The following PTPRD variants were observed in gnomAD, a reference collection of about 807,000 sequenced individuals.
PTPRD encodes receptor-type tyrosine-protein phosphatase delta.
A neutral mutation model predicts 214.5 loss-of-function variants in PTPRD; 34 were observed. The ratio of observed to expected loss-of-function variants is 0.16; its 90% CI spans 0.12 to 0.21. The LOEUF (loss-of-function observed/expected upper bound fraction) is 0.21, where lower values mean the gene tolerates loss of function less well. Ranked by LOEUF, PTPRD falls within the 10% of genes least tolerant of loss-of-function variation. The pLI is 1.00. For missense variants in PTPRD, 2,545 were observed against 2,398.7 expected, an observed-to-expected ratio of 1.06 and a Z score of -1.27; for synonymous variants, 1,128 against 845.7, an observed-to-expected ratio of 1.33 and a Z score of -5.79.
rs71485321 is a variant in PTPRD at position 10,140,327 on chromosome 9, T to TAA, written c.-544-106539_-544-106538dup. On this transcript the variant is annotated intron_variant, in intron 3 of 45. Coordinates refer to ENST00000381196, the MANE Select transcript of PTPRD (RefSeq NM_002839.4). ...CATACAAGCAGAAAACAATCATTAATAAAAAAAAATTGATAGACCGCTAGC... is the reference window on the plus strand; with the variant it reads ...CATACAAGCAGAAAACAATCATTAATAAAAAAAAAAATTGATAGACCGCTAGC... Among the ~76,000 whole-genome samples the TAA allele has an allele frequency of 7.4e-5, 11 of 149,334 alleles. No individual in the cohort carries two copies. The South Asian group carries it at 8.4e-4, about 11-fold the overall frequency.
At chr9:8,597,638 T>C (rs1013712061) in intron 14 of PTPRD, among the ~76,000 whole-genome samples, 3 of 152,216 alleles carry the variant, frequency 2.0e-5, no homozygotes, top group Admixed American at 2.0e-4. Flanking sequence ...ACACTTTTTG[T>C]TGGGCTCTAA....
At chr9:10,453,928 A>G (rs113034871) in intron 2 of PTPRD, among the ~76,000 whole-genome samples, 1,826 of 151,754 alleles carry the variant, frequency 0.012, 34 homozygotes, top group African/African-American at 0.039. Context: ...AGTCAGCTGT[A>G]GGCTTGTCAT....
In PTPRD at chr9:9,529,017, C is replaced by A. The variant is rs1339593098; in HGVS notation, c.-237+45715G>T. 2.0e-5 allele frequency among the ~76,000 whole-genome samples: 3 copies of A among 149,844 alleles called. No homozygotes were observed. In the South Asian group the frequency reaches 6.3e-4, roughly 32 times the overall value. The stretch of plus-strand genomic sequence containing the variant: ...GCAATGGTGTGATCTTGGTTCACTG[C>A]AACCTCTGCCTCCTGGGTTCAAGCT... On this transcript the variant is annotated intron_variant, in intron 8 of 45. Transcript: ENST00000381196.
intron 9 of PTPRD, among the ~76,000 whole-genome samples, chr9:9,308,350 A>T (rs531029313): frequency 1.3e-5 from 2 of 152,342 alleles, no homozygotes; most frequent in South Asian, 2.1e-4. Context: ...CAGATTACAG[A>T]TATGAGAATT....
At chr9:10,332,548 T>C (rs1232953481) in intron 3 of PTPRD, among the ~76,000 whole-genome samples, 1 of 151,782 alleles carries the variant, frequency 6.6e-6, no homozygotes, top group African/African-American at 2.4e-5. Flanking sequence ...TAGAAAATAA[T>C]ATTGAGGGAA....
chr9:9,200,849 A>C (rs2099941415), intron 9 of PTPRD, among the ~76,000 whole-genome samples: 1 of 152,214 alleles, frequency 6.6e-6, no homozygotes, highest in South Asian at 2.1e-4. Context: ...AGCTTACACA[A>C]AACCATCATT....
At chr9:9,031,203 T>A (rs539918943) in intron 10 of PTPRD, among the ~76,000 whole-genome samples, 275 of 108,050 alleles carry the variant, frequency 2.5e-3, no homozygotes, top group African/African-American at 9.2e-3. Context: ...TATAAATACT[T>A]ACTAGTATTA....
Position 8,950,269 on chromosome 9 carries a change from A to T in PTPRD, c.-104+68428T>A, listed in dbSNP as rs1470400682. Among the ~76,000 whole-genome samples the T allele has an allele frequency of 2.0e-5, 3 of 152,166 alleles. No homozygotes were observed. The East Asian group carries it at 5.8e-4, about 29-fold the overall frequency. On this transcript the variant is annotated intron_variant, in intron 11 of 45. Transcript: ENST00000381196. ...TCTGGAATCAGGGTTGTAATTTAGAAATTATGCATGGTTGTGAGATAGGTC... is the reference window on the plus strand; with the variant it reads ...TCTGGAATCAGGGTTGTAATTTAGATATTATGCATGGTTGTGAGATAGGTC...
intron 4 of PTPRD, among the ~76,000 whole-genome samples, chr9:9,967,329 A>G (rs1797075115): frequency 6.6e-6 from 1 of 152,176 alleles, no homozygotes; most frequent in African/African-American, 2.4e-5. Flanking sequence ...GTAGAAATAA[A>G]GGCCCTTAAC....
At chr9:9,247,384 T>C (rs1594495890) in intron 9 of PTPRD, among the ~76,000 whole-genome samples, 1 of 152,104 alleles carries the variant, frequency 6.6e-6, no homozygotes, top group East Asian at 1.9e-4. Flanking sequence ...GACAGTTTCT[T>C]CTTGTGTCTT....
chr9:9,221,883 T>G (rs1272759111), intron 9 of PTPRD, among the ~76,000 whole-genome samples: 1 of 152,046 alleles, frequency 6.6e-6, no homozygotes, highest in Non-Finnish European at 1.5e-5. Context: ...CAGTCATCAC[T>G]TCAGAGCTTA....
chr9:10,246,726 C>T (rs2092165492), intron 3 of PTPRD, among the ~76,000 whole-genome samples: 1 of 151,262 alleles, frequency 6.6e-6, no homozygotes, highest in Non-Finnish European at 1.5e-5. Flanking sequence ...TAAAATAATC[C>T]TTAAAGCAAA....
At chr9:9,134,776 T>C (rs1475520544) in intron 10 of PTPRD, among the ~76,000 whole-genome samples, 1 of 152,142 alleles carries the variant, frequency 6.6e-6, no homozygotes. Flanking sequence ...CAAGAGACTG[T>C]ATCATCCTTG....
chr9:9,104,853 A>G (rs978937998), intron 10 of PTPRD, among the ~76,000 whole-genome samples: 3 of 152,212 alleles, frequency 2.0e-5, no homozygotes, highest in African/African-American at 7.2e-5. Context: ...CTGAACTGCA[A>G]GAATTGATAA....
intron 27 of PTPRD, 126 bp downstream of exon 27, chr9:8,492,736 A>T (rs2097176905): frequency 6.8e-6 from 4 of 587,876 alleles, no homozygotes. Flanking sequence ...CTAAAAACAC[A>T]AAAGTTGACC....
intron 14 of PTPRD, 119 bp from the exon 15 acceptor site, chr9:8,528,898 C>G: frequency 1.1e-6 from 1 of 903,184 alleles, no homozygotes; most frequent in Non-Finnish European, 1.7e-6. Flanking sequence ...TAACACAAAC[C>G]AGGCACTAAT....
intron 7 of PTPRD, among the ~76,000 whole-genome samples, chr9:9,600,803 T>C (rs1480744416): frequency 6.6e-6 from 1 of 152,122 alleles, no homozygotes; most frequent in Non-Finnish European, 1.5e-5. Flanking sequence ...AATCCTTTTG[T>C]ACTAAAATGT....
At chr9:9,198,307 A>G (rs1326728762) in intron 9 of PTPRD, among the ~76,000 whole-genome samples, 2 of 152,136 alleles carry the variant, frequency 1.3e-5, no homozygotes, top group Non-Finnish European at 2.9e-5. Context: ...AACCAAACTT[A>G]GAAAATAAGT....
At position 8,532,979 on chromosome 9, in the gene PTPRD, C is replaced by T. The variant is rs569117743; in HGVS notation, c.353-4200G>A. ...AGAACTTATTAACAACCCTGACCTA[C>T]CCAGGACTTGAAAGGAATGAATCCA... On this transcript the variant is annotated intron_variant, in intron 14 of 45. Transcript: ENST00000381196. 6.6e-5 allele frequency among the ~76,000 whole-genome samples: 10 copies of T among 152,130 alleles called. No homozygotes were observed. In the South Asian group the frequency reaches 1.9e-3, roughly 28 times the overall value.
Sources: allele counts gnomAD v4.1 joint callset (sites outside exome capture counted in the v4.1 genomes callset), GRCh38; gene constraint gnomAD v4.1.1; transcripts MANE v1.5; gene names NCBI Gene and HGNC (gene_info 2026-07-23, HGNC 2026-07-21).